JAKMIP1: variants seen among roughly 807,000 people sequenced by gnomAD.
JAKMIP1 encodes the protein janus kinase and microtubule interacting protein 1, also known as janus kinase and microtubule-interacting protein 1.
JAKMIP1 carries 33 observed loss-of-function variants against 113.0 expected under a neutral mutation model. The ratio of observed to expected loss-of-function variants is 0.29; its 90% CI spans 0.22 to 0.39. The LOEUF is 0.39. JAKMIP1 is among the 10% of genes least tolerant of loss of function. The pLI is 1.00. For missense variants in JAKMIP1, 813 were observed against 1,080.5 expected (o/e 0.75, Z 3.47); for synonymous variants, 480 against 459.9 (o/e 1.04, Z -0.56).
chr4:6,153,323 G>T lies in JAKMIP1; in HGVS notation c.-147-40326C>A, dbSNP rs1390163105. On this transcript the variant is annotated intron_variant, in intron 1 of 20. Coordinates refer to ENST00000409021, the MANE Select transcript of JAKMIP1 (RefSeq NM_001099433.2). This position sits in a 1 kb window ranked among gnomAD's most constrained non-coding sequence, Gnocchi z 4.9. ...TTCACACAGGCCTTGGTCACAGGCA[G>T]ATCTGGGTGAGAAGAGGAGCCACGC... Among the ~76,000 whole-genome samples, 1 of 152,224 alleles carries T rather than the reference G, an allele frequency of 6.6e-6. No homozygotes were observed. Among genetic ancestry groups the T allele is most frequent in the African/African-American group, 2.4e-5 (1 of 41,464 alleles).
At chr4:6,038,857 G>C (rs1213609410) in intron 18 of JAKMIP1, among the ~76,000 whole-genome samples, 2 of 152,206 alleles carry the variant, frequency 1.3e-5, no homozygotes, top group African/African-American at 2.4e-5. Context: ...TTTCCAGATA[G>C]AAACGCACCA....
At position 6,136,553 on chromosome 4, in the gene JAKMIP1, C is replaced by T. The variant is rs933249833; in HGVS notation, c.-147-23556G>A. On this transcript the variant is annotated intron_variant, in intron 1 of 20. Transcript: ENST00000409021. This position sits in a 1 kb window ranked among gnomAD's most constrained non-coding sequence, Gnocchi z 5.9. ...TATCTGAGACAATTTGGGCACTGAG[C>T]GACTAAGTTCCTGTCCACGGTCACA... Among the ~76,000 whole-genome samples the T allele has an allele frequency of 5.3e-5, 8 of 152,112 alleles. No individual in the cohort carries two copies. Among genetic ancestry groups the T allele is most frequent in the Admixed American group, 1.3e-4 (2 of 15,272 alleles).
intron 1 of JAKMIP1, among the ~76,000 whole-genome samples, chr4:6,165,010 G>A (rs944746047): frequency 4.6e-5 from 7 of 152,234 alleles, no homozygotes; most frequent in Admixed American, 6.5e-5. Flanking sequence ...CAAGGCCTGA[G>A]AGGATTGACT....
At chr4:6,096,825 G>C (rs1711865448) in intron 3 of JAKMIP1, among the ~76,000 whole-genome samples, 1 of 152,150 alleles carries the variant, frequency 6.6e-6, no homozygotes, top group African/African-American at 2.4e-5. Flanking sequence ...ATCCATTTAT[G>C]TTTCACATAC....
chr4:6,071,748 G>A (rs1379387117), intron 8 of JAKMIP1, among the ~76,000 whole-genome samples: 1 of 152,180 alleles, frequency 6.6e-6, no homozygotes, highest in African/African-American at 2.4e-5. Flanking sequence ...CAGACGGTGT[G>A]TGTGCTTGTC....
chr4:6,140,684 A>G lies in JAKMIP1; in HGVS notation c.-147-27687T>C, dbSNP rs528233089. Among the ~76,000 whole-genome samples, 1 of 152,282 alleles carries G rather than the reference A, an allele frequency of 6.6e-6. No individual in the cohort carries two copies. Among genetic ancestry groups the G allele is most frequent in the South Asian group, 2.1e-4 (1 of 4,828 alleles). On this transcript the variant is annotated intron_variant, in intron 1 of 20. Coordinates refer to ENST00000409021, the MANE Select transcript of JAKMIP1 (RefSeq NM_001099433.2). The surrounding 1 kb of genome is among the most constrained non-coding windows in gnomAD (Gnocchi z 9.4). ...TTCTCCAAGACATTTTCCACAATGA[A>G]AATGTAATGCTTTTACCTGGAAAAG...
intron 11 of JAKMIP1, among the ~76,000 whole-genome samples, chr4:6,057,418 C>G (rs538775858): frequency 1.3e-5 from 2 of 152,152 alleles, no homozygotes; most frequent in Non-Finnish European, 2.9e-5. Context: ...CAGGCTGGGC[C>G]GGGCTCACTG....
At chr4:6,035,830 A>T (rs887615849) in intron 19 of JAKMIP1, 74 bp downstream of exon 19, 2 of 1,314,910 alleles carry the variant, frequency 1.5e-6, no homozygotes, top group Admixed American at 4.4e-5. Context: ...TCAGAGGCCC[A>T]TCAGGGTGCC....
intron 8 of JAKMIP1, among the ~76,000 whole-genome samples, chr4:6,071,949 AACTCTGAACCCCAGTTC>A (rs1382059270): frequency 4.6e-5 from 7 of 152,310 alleles, no homozygotes; most frequent in African/African-American, 1.7e-4. Context: ...GGAAAATAAA[AACTCTGAACCCCAGTTC>A]ACTCCACCAA....
intron 1 of JAKMIP1, among the ~76,000 whole-genome samples, chr4:6,148,097 G>C (rs935868904): frequency 6.6e-6 from 1 of 152,214 alleles, no homozygotes; most frequent in Non-Finnish European, 1.5e-5. Context: ...AGCGAGTGCA[G>C]AAGTGAAAAT....
At chr4:6,034,087 T>C (rs568461393) in intron 19 of JAKMIP1, among the ~76,000 whole-genome samples, 37 of 110,568 alleles carry the variant, frequency 3.3e-4, no homozygotes, top group Non-Finnish European at 4.6e-4. Flanking sequence ...TTCAAACAGG[T>C]GTTTTAGTGA....
chr4:6,094,192 A>G lies in JAKMIP1; in HGVS notation c.625-8563T>C, dbSNP rs987652521. Among the ~76,000 whole-genome samples, 1 of 152,354 alleles carries G rather than the reference A, an allele frequency of 6.6e-6. No homozygotes were observed. The highest frequency in any genetic ancestry group is 6.5e-5 in the Admixed American group (1 of 15,306). On this transcript the variant is annotated intron_variant, in intron 3 of 20. Coordinates refer to ENST00000409021, the MANE Select transcript of JAKMIP1 (RefSeq NM_001099433.2). This position sits in a 1 kb window ranked among gnomAD's most constrained non-coding sequence, Gnocchi z 4.2. The stretch of plus-strand genomic sequence containing the variant: ...AAAACAACCATTATGGTTTTATAAA[A>G]GCATAAAATAAAATCTCAAACAATC...
chr4:6,171,617 G>A (rs1471439261), intron 1 of JAKMIP1, among the ~76,000 whole-genome samples: 2 of 152,214 alleles, frequency 1.3e-5, no homozygotes, highest in Non-Finnish European at 2.9e-5. Flanking sequence ...GTCTAGTAGG[G>A]AATGCCAAGA....
chr4:6,089,918 G>A lies in JAKMIP1; in HGVS notation c.625-4289C>T, dbSNP rs558433024. Among the ~76,000 whole-genome samples, 13 of 152,280 alleles carry A rather than the reference G, an allele frequency of 8.5e-5. No individual in the cohort carries two copies. The highest frequency in any genetic ancestry group is 3.1e-4 in the African/African-American group (13 of 41,552). On this transcript the variant is annotated intron_variant, in intron 3 of 20. Coordinates refer to ENST00000409021, the MANE Select transcript of JAKMIP1 (RefSeq NM_001099433.2). This position sits in a 1 kb window ranked among gnomAD's most constrained non-coding sequence, Gnocchi z 5.3. ...AGATGAGGTTATACCACGTTAGGGT[G>A]GACCCTAAACCCACTGACTGGCATC...
In JAKMIP1 at chr4:6,081,672, C is replaced by T; in HGVS notation, c.1038G>A (p.Leu346=). 1 of 1,614,206 alleles carries T rather than the reference C, an allele frequency of 6.2e-7. No homozygotes were observed. Among genetic ancestry groups the T allele is most frequent in the Non-Finnish European group, 8.5e-7 (1 of 1,180,032 alleles). Residue 346 remains leucine (L), a synonymous_variant, in exon 6 of 21, where the codon CTG becomes CTA. Transcript: ENST00000409021. This position sits in a 1 kb window ranked among gnomAD's most constrained non-coding sequence, Gnocchi z 4.6. The stretch of plus-strand genomic sequence containing the variant: ...CCTCCATCCTCTGGATACTCTGCAA[C>T]AGATCCTCATTCTTCTTGTTCATCC... The part of the protein sequence containing the change: ...NKRMNKKNED[L]LQSIQRMEEK...
intron 1 of JAKMIP1, among the ~76,000 whole-genome samples, chr4:6,149,815 G>A (rs11940650): frequency 0.04 from 6,016 of 151,990 alleles, 372 homozygotes; most frequent in African/African-American, 0.14. Flanking sequence ...GCCCAGGCTC[G>A]AAAGCATCTC....
intron 3 of JAKMIP1, among the ~76,000 whole-genome samples, chr4:6,098,730 GAAA>G (rs1712466894): frequency 1.8e-4 from 2 of 10,958 alleles, no homozygotes; most frequent in Admixed American, 2.5e-3. Context: ...GAAAAAGAAA[GAAA>G]GAGAAGGAAG....
At chr4:6,127,335 C>G (rs770842226) in intron 1 of JAKMIP1, among the ~76,000 whole-genome samples, 2 of 152,184 alleles carry the variant, frequency 1.3e-5, no homozygotes, top group Non-Finnish European at 2.9e-5. Flanking sequence ...CATGGCACAC[C>G]CCACACACGG....
rs1367879163 is a variant in JAKMIP1 at position 6,193,679 on chromosome 4, G to A, written c.-148+6574C>T. Among the ~76,000 whole-genome samples the A allele has an allele frequency of 6.6e-6, 1 of 152,166 alleles. No homozygotes were observed. Among genetic ancestry groups the A allele is most frequent in the Non-Finnish European group, 1.5e-5 (1 of 68,036 alleles). ...CCCATGCTCTTGCTTGGAAAATGAGGAGCCGACAACCATTCTGCAGGTTTC... is the reference window on the plus strand; with the variant it reads ...CCCATGCTCTTGCTTGGAAAATGAGAAGCCGACAACCATTCTGCAGGTTTC... On this transcript the variant is annotated intron_variant, in intron 1 of 20. Coordinates refer to ENST00000409021, the MANE Select transcript of JAKMIP1 (RefSeq NM_001099433.2). The surrounding 1 kb of genome is among the most constrained non-coding windows in gnomAD (Gnocchi z 6.4).
Sources: gnomAD v4.1 joint callset for allele counts (sites outside exome capture counted in the v4.1 genomes callset) on GRCh38, gnomAD v4.1.1 for gene constraint, Gnocchi (gnomAD v3.1) non-coding constraint, MANE v1.5 for transcripts, NCBI Gene and HGNC (gene_info 2026-07-23, HGNC 2026-07-21) for gene names.